The following MAST4 variants were observed in gnomAD, a reference collection of about 807,000 sequenced individuals.
MAST4 encodes the protein microtubule associated serine/threonine kinase family member 4, also known as microtubule-associated serine/threonine-protein kinase 4.
In MAST4, 89 loss-of-function variants were observed where a neutral mutation model predicts 162.7. That is an observed-to-expected ratio of 0.55 (90% CI 0.46 to 0.65). The LOEUF (loss-of-function observed/expected upper bound fraction) is 0.65, where lower values mean the gene tolerates loss of function less well. Among genes scored for constraint, MAST4 ranks in the 30% least tolerant of loss-of-function variants. MAST4 has a pLI of 0.00. For missense variants in MAST4, 3,153 were observed against 3,374.0 expected (o/e 0.93, Z 1.62); for synonymous variants, 1,479 against 1,361.1 (o/e 1.09, Z -1.91).
At chr5:67,150,642 G>A (rs1771683066) in intron 24 of MAST4, among the ~76,000 whole-genome samples, 1 of 152,188 alleles carries the variant, frequency 6.6e-6, no homozygotes, top group Non-Finnish European at 1.5e-5. Context: ...CCGTACTTTG[G>A]TAGAACAAGG....
At chr5:67,093,713 T>C (rs1440410134) in intron 6 of MAST4, 2 of 434,982 alleles carry the variant, frequency 4.6e-6, no homozygotes, top group Non-Finnish European at 9.5e-6. Context: ...AATATGTTCA[T>C]TGATAACTGA....
chr5:66,621,719 C>T (rs536844232), intron 1 of MAST4, among the ~76,000 whole-genome samples: 6 of 152,290 alleles, frequency 3.9e-5, no homozygotes, highest in East Asian at 1.9e-4. Flanking sequence ...TACTGTGCAT[C>T]GGGTACTGTT....
At chr5:66,831,617 C>G (rs891941935) in intron 3 of MAST4, among the ~76,000 whole-genome samples, 1 of 152,154 alleles carries the variant, frequency 6.6e-6, no homozygotes, top group Non-Finnish European at 1.5e-5. Flanking sequence ...CAAATCATGA[C>G]AAGCTCATAA....
intron 1 of MAST4, among the ~76,000 whole-genome samples, chr5:66,757,020 T>A (rs748815032): frequency 1.2e-4 from 19 of 152,222 alleles, no homozygotes; most frequent in Non-Finnish European, 2.2e-4. Context: ...ATTAGGTTTT[T>A]TTTCTGTTTT....
chr5:66,596,909 G>T lies in MAST4; in HGVS notation c.254G>T (p.Ser85Ile). 1 of 1,290,418 alleles carries T rather than the reference G, an allele frequency of 7.7e-7. No homozygotes were observed. The allele number at this position is 1,290,418 out of a possible 1,614,324, so 79.9% of individuals were successfully genotyped here. A position where few individuals can be genotyped will look rare whatever the true frequency, so the allele number is the denominator to read the frequency against. ...GCGCCCGCCGCGTGGGCTCCGGCAAGCGTGCTGCTGGAGCGCGGAGTCCTT... is the reference window on the plus strand; with the variant it reads ...GCGCCCGCCGCGTGGGCTCCGGCAATCGTGCTGCTGGAGCGCGGAGTCCTT... ...ARAPAAWAPA[S>I]VLLERGVLAL... is the part of the protein sequence containing the mutation. The change falls in exon 1 of 29, where the codon AGC (serine) becomes ATC (isoleucine). Residue 85 changes from serine (S) to isoleucine (I), a missense_variant. By Grantham distance (142) the Ser-to-Ile change is moderately radical (BLOSUM62 -2). Coordinates refer to ENST00000403625, the MANE Select transcript of MAST4 (RefSeq NM_001164664.2).
At chr5:67,109,141 A>G (rs1165445401) in intron 10 of MAST4, among the ~76,000 whole-genome samples, 2 of 152,164 alleles carry the variant, frequency 1.3e-5, no homozygotes, top group African/African-American at 4.8e-5. Flanking sequence ...CAATATATAA[A>G]ATAAAATTTT....
intron 4 of MAST4, among the ~76,000 whole-genome samples, chr5:67,019,335 T>C (rs1753692830): frequency 6.6e-6 from 1 of 152,192 alleles, no homozygotes. Context: ...CTGGATGGGC[T>C]CACATTTCAG....
intron 6 of MAST4, 117 bp downstream of exon 6, chr5:67,090,348 C>T: frequency 2.0e-6 from 1 of 499,912 alleles, no homozygotes; most frequent in Middle Eastern, 5.4e-4. Context: ...TCCCCCTCCC[C>T]ACTTCCCCTT....
At chr5:67,033,153 T>C (rs1755558670) in intron 4 of MAST4, among the ~76,000 whole-genome samples, 1 of 151,760 alleles carries the variant, frequency 6.6e-6, no homozygotes, top group Admixed American at 6.6e-5. Flanking sequence ...TAATTAGTTC[T>C]TACTGTGAAC....
chr5:66,825,348 G>A (rs1757197876), intron 3 of MAST4, among the ~76,000 whole-genome samples: 1 of 149,288 alleles, frequency 6.7e-6, no homozygotes, highest in Non-Finnish European at 1.5e-5. Context: ...GATCATCAAG[G>A]TGTCATTAGG....
chr5:66,751,559 A>G (rs1428190427), intron 1 of MAST4, among the ~76,000 whole-genome samples: 1 of 152,120 alleles, frequency 6.6e-6, no homozygotes, highest in African/African-American at 2.4e-5. Context: ...GGAAGATGAA[A>G]TGAATGAAAT....
At chr5:66,661,038 A>G (rs1421779341) in intron 1 of MAST4, among the ~76,000 whole-genome samples, 2 of 152,190 alleles carry the variant, frequency 1.3e-5, no homozygotes, top group African/African-American at 4.8e-5. Flanking sequence ...TGCTGAGTTA[A>G]TAAGTTTTGG....
chr5:66,665,329 G>A (rs1299836529), intron 1 of MAST4, among the ~76,000 whole-genome samples: 1 of 152,062 alleles, frequency 6.6e-6, no homozygotes, highest in African/African-American at 2.4e-5. Flanking sequence ...CATGTGCTAT[G>A]TCTTTTAGCG....
At position 67,163,632 on chromosome 5, in the gene MAST4, C is replaced by T. The variant is rs1179889135; in HGVS notation, c.4453C>T (p.Pro1485Ser). The T allele has an allele frequency of 6.2e-7, 1 of 1,605,728 alleles. No homozygotes were observed. Among genetic ancestry groups the T allele is most frequent in the South Asian group, 1.1e-5 (1 of 89,914 alleles). Residue 1485 changes from proline to serine, a missense_variant, in exon 29 of 29, where the codon CCG (proline) becomes TCG (serine). Coordinates refer to ENST00000403625, the MANE Select transcript of MAST4 (RefSeq NM_001164664.2). The surrounding 1 kb of genome is among the most constrained non-coding windows in gnomAD (Gnocchi z 7.0). ...VQREQSQREAPLQSLDENVCD... is the reference protein window; with the variant it reads ...VQREQSQREASLQSLDENVCD... The stretch of plus-strand genomic sequence containing the variant: ...GCGGGAGCAGTCCCAGCGGGAGGCG[C>T]CGCTGCAGAGCCTGGATGAGAACGT...
chr5:66,630,417 G>T (rs1357404502), intron 1 of MAST4, among the ~76,000 whole-genome samples: 1 of 152,132 alleles, frequency 6.6e-6, no homozygotes, highest in Non-Finnish European at 1.5e-5. Context: ...TTTGGATTTT[G>T]TGATTTGCGG....
At chr5:67,126,231 A>T (rs567658593) in intron 14 of MAST4, among the ~76,000 whole-genome samples, 16 of 152,326 alleles carry the variant, frequency 1.1e-4, no homozygotes, top group Admixed American at 3.9e-4. Context: ...TTTGCTGTGC[A>T]GAAGCTCTTT....
chr5:66,851,733 C>T (rs1399624977), intron 3 of MAST4, among the ~76,000 whole-genome samples: 3 of 152,322 alleles, frequency 2.0e-5, no homozygotes, highest in East Asian at 1.9e-4. Flanking sequence ...TTTGTATCAG[C>T]GTTTCCTTGG....
intron 2 of MAST4, among the ~76,000 whole-genome samples, chr5:66,779,387 A>G (rs1157111312): frequency 1.4e-5 from 2 of 145,876 alleles, no homozygotes; most frequent in African/African-American, 2.5e-5. Context: ...GAGTAAACAC[A>G]TAGCACTTTT....
chr5:66,760,384 G>C (rs1753790485), intron 2 of MAST4, among the ~76,000 whole-genome samples: 1 of 152,026 alleles, frequency 6.6e-6, no homozygotes. Context: ...AAAGTGCTGG[G>C]ATTACAGGTG....
Sources: gnomAD v4.1 joint callset for allele counts (sites outside exome capture counted in the v4.1 genomes callset) on GRCh38, gnomAD v4.1.1 for gene constraint, Gnocchi (gnomAD v3.1) non-coding constraint, MANE v1.5 for transcripts, NCBI Gene and HGNC (gene_info 2026-07-23, HGNC 2026-07-21) for gene names.